Variants in ZZZ3 observed in about 807,000 individuals in gnomAD.
ZZZ3 encodes ZZ-type zinc finger-containing protein 3.
A neutral mutation model predicts 95.2 loss-of-function variants in ZZZ3; 22 were observed. That is an observed-to-expected ratio of 0.23 (90% CI 0.17 to 0.33). The LOEUF is 0.33. ZZZ3 is among the 10% of genes least tolerant of loss of function. ZZZ3 has a pLI of 1.00. For missense variants in ZZZ3, 885 were observed against 1,066.5 expected, an observed-to-expected ratio of 0.83 and a Z score of 2.37; for synonymous variants, 335 against 358.9, an observed-to-expected ratio of 0.93 and a Z score of 0.75.
At chr1:77,595,579 T>C (rs572997494) in intron 5 of ZZZ3, among the ~76,000 whole-genome samples, 1 of 152,080 alleles carries the variant, frequency 6.6e-6, no homozygotes, top group Non-Finnish European at 1.5e-5. Context: ...CTATATATTT[T>C]TTAAAACTCC....
At position 77,562,992 on chromosome 1, in the gene ZZZ3, A is replaced by G. The variant is rs1296730011; in HGVS notation, c.*2648T>C. 6.6e-6 allele frequency: 1 copy of G among 152,226 alleles called. No homozygotes were observed. Among genetic ancestry groups the G allele is most frequent in the Admixed American group, 6.5e-5 (1 of 15,274 alleles). The allele number at this position is 152,226 out of a possible 1,614,324, so 9.4% of individuals were successfully genotyped here. ...CGAGATTTCCTCATATGACAACAGG[A>G]TAATAAATGACCCTGCCTCATAGAG... On this transcript the variant is annotated 3_prime_UTR_variant, in exon 15 of 15. Transcript: ENST00000370801.
rs1052965689 is a variant in ZZZ3, at chr1:77,565,370, TCCATCTCAC to T, written c.*261_*269del. The T allele has an allele frequency of 9.9e-5, 34 of 342,592 alleles. No individual in the cohort carries two copies. The highest frequency in any genetic ancestry group is 6.6e-4 in the African/African-American group (31 of 47,020). 21.2% of individuals were successfully genotyped at this position (342,592 alleles called of 1,614,324 possible). A position where few individuals can be genotyped will look rare whatever the true frequency, so the allele number is the denominator to read the frequency against. On this transcript the variant is annotated 3_prime_UTR_variant, in exon 15 of 15. Coordinates refer to ENST00000370801, the MANE Select transcript of ZZZ3 (RefSeq NM_015534.6). ...CTCTCTCTTTAATGTGTGCTCTCGT[TCCATCTCAC>T]CCATTTAAGATCACCACCTAAAACG...
chr1:77,629,355 T>C (rs1406097767), intron 5 of ZZZ3, among the ~76,000 whole-genome samples: 4 of 152,200 alleles, frequency 2.6e-5, no homozygotes, highest in African/African-American at 7.2e-5. Flanking sequence ...AGGTGGTTCA[T>C]GCCTGTAATC....
intron 5 of ZZZ3, among the ~76,000 whole-genome samples, chr1:77,607,213 A>C (rs1305230393): frequency 6.6e-6 from 1 of 152,204 alleles, no homozygotes; most frequent in Non-Finnish European, 1.5e-5. Flanking sequence ...CACGTCTTAC[A>C]TGGGGGCATG....
At chr1:77,668,921 A>C (rs1391564032) in intron 1 of ZZZ3, among the ~76,000 whole-genome samples, 1 of 152,074 alleles carries the variant, frequency 6.6e-6, no homozygotes, top group African/African-American at 2.4e-5. Context: ...AGAAGCTCTG[A>C]TCTTTATTAT....
chr1:77,670,186 G>A (rs912283151), intron 1 of ZZZ3, among the ~76,000 whole-genome samples: 16 of 151,656 alleles, frequency 1.1e-4, no homozygotes, highest in African/African-American at 3.6e-4. Context: ...TAGTACATGG[G>A]AGCCTCCAGA....
intron 5 of ZZZ3, among the ~76,000 whole-genome samples, chr1:77,603,016 A>G (rs1207072523): frequency 2.6e-5 from 4 of 151,952 alleles, no homozygotes; most frequent in Admixed American, 2.0e-4. Context: ...AAAAATTGCC[A>G]TATCTAGCAG....
chr1:77,668,978 G>A (rs921907750), intron 1 of ZZZ3, among the ~76,000 whole-genome samples: 1 of 150,556 alleles, frequency 6.6e-6, no homozygotes, highest in Non-Finnish European at 1.5e-5. Flanking sequence ...ATCAAACTAT[G>A]CCAAACATAT....
intron 1 of ZZZ3, among the ~76,000 whole-genome samples, chr1:77,653,837 A>C (rs1670027540): frequency 6.6e-6 from 1 of 152,186 alleles, no homozygotes; most frequent in South Asian, 2.1e-4. Context: ...ACATTCCATG[A>C]AAAACTGCAA....
intron 5 of ZZZ3, among the ~76,000 whole-genome samples, chr1:77,611,347 G>A (rs1665791793): frequency 6.6e-6 from 1 of 150,422 alleles, no homozygotes; most frequent in Non-Finnish European, 1.5e-5. Flanking sequence ...ACTGATGAAA[G>A]CAACTCAGGA....
chr1:77,622,650 T>TA (rs1169900591), intron 5 of ZZZ3, among the ~76,000 whole-genome samples: 1 of 152,172 alleles, frequency 6.6e-6, no homozygotes, highest in African/African-American at 2.4e-5. Flanking sequence ...TGAAACCTAG[T>TA]AAAAAAGTTT....
At chr1:77,629,022 A>T (rs560411011) in intron 5 of ZZZ3, among the ~76,000 whole-genome samples, 14 of 152,312 alleles carry the variant, frequency 9.2e-5, no homozygotes, top group African/African-American at 3.4e-4. Flanking sequence ...GCTTTTTAAC[A>T]TCATTTTCAA....
intron 11 of ZZZ3, among the ~76,000 whole-genome samples, chr1:77,577,088 C>G (rs1038156635): frequency 6.6e-6 from 1 of 152,204 alleles, no homozygotes; most frequent in Non-Finnish European, 1.5e-5. Flanking sequence ...CACTATGCAG[C>G]CTGCCTGTCT....
At chr1:77,596,406 G>A (rs570554068) in intron 5 of ZZZ3, among the ~76,000 whole-genome samples, 22 of 152,126 alleles carry the variant, frequency 1.4e-4, no homozygotes, top group Middle Eastern at 3.4e-3. Flanking sequence ...TTTTTTTTCA[G>A]ACTGGTGAGG....
chr1:77,580,364 T>C (rs1662379455), intron 9 of ZZZ3: 1 of 152,196 alleles, frequency 6.6e-6, no homozygotes, highest in Admixed American at 6.5e-5. Flanking sequence ...AAAATAAGAA[T>C]GCACTTTGAA....
rs972520857 is a variant in ZZZ3 at position 77,565,482 on chromosome 1, C to T, written c.*158G>A. 9 of 663,336 alleles carry T rather than the reference C, an allele frequency of 1.4e-5. No homozygotes were observed. Among genetic ancestry groups the T allele is most frequent in the Middle Eastern group, 8.0e-4 (2 of 2,488 alleles). The allele number at this position is 663,336 out of a possible 1,614,324, so 41.1% of individuals were successfully genotyped here. A position where few individuals can be genotyped will look rare whatever the true frequency, so the allele number is the denominator to read the frequency against. ...GCTGAACAGTGATCTAGAGCCACAACGGTGCAGAGCTGTACTTGACGAGAA... is the reference window on the plus strand; with the variant it reads ...GCTGAACAGTGATCTAGAGCCACAATGGTGCAGAGCTGTACTTGACGAGAA... On this transcript the variant is annotated 3_prime_UTR_variant, in exon 15 of 15. Coordinates refer to ENST00000370801, the MANE Select transcript of ZZZ3 (RefSeq NM_015534.6).
At chr1:77,607,170 C>G (rs996550719) in intron 5 of ZZZ3, among the ~76,000 whole-genome samples, 2 of 152,216 alleles carry the variant, frequency 1.3e-5, no homozygotes, top group Non-Finnish European at 2.9e-5. Flanking sequence ...GGAGGCCTCA[C>G]AATCATGGCT....
intron 5 of ZZZ3, among the ~76,000 whole-genome samples, chr1:77,611,533 T>C (rs988481208): frequency 6.6e-6 from 1 of 151,830 alleles, no homozygotes; most frequent in African/African-American, 2.4e-5. Flanking sequence ...AAAGCAATCT[T>C]GAGCAAAAAA....
chr1:77,580,230 A>G (rs928583025), intron 9 of ZZZ3: 2 of 152,290 alleles, frequency 1.3e-5, no homozygotes, highest in Admixed American at 6.5e-5. Context: ...TGTGGGGTTA[A>G]TAGCCATATG....
Sources: gnomAD v4.1 joint callset for allele counts (sites outside exome capture counted in the v4.1 genomes callset) on GRCh38, gnomAD v4.1.1 for gene constraint, MANE v1.5 for transcripts, NCBI Gene and HGNC (gene_info 2026-07-23, HGNC 2026-07-21) for gene names.